Variants in TCF4 observed in about 807,000 individuals in gnomAD.
TCF4 encodes the protein SL3-3 enhancer factor 2.
Under a neutral mutation model 82.1 loss-of-function variants are expected in TCF4, and 3 were observed. The observed-to-expected ratio is 0.04, with a 90% CI of 0.02 to 0.09. The LOEUF (loss-of-function observed/expected upper bound fraction) is 0.09, where lower values mean the gene tolerates loss of function less well. TCF4 is among the 10% of genes least tolerant of loss of function. The probability of loss-of-function intolerance (pLI) is 1.00; values close to 1 mark genes in which losing one functional copy is unlikely to be tolerated. For missense variants in TCF4, 518 were observed against 852.7 expected (o/e 0.61, Z 4.89); for synonymous variants, 276 against 309.6 (o/e 0.89, Z 1.14).
intron 2 of TCF4, among the ~76,000 whole-genome samples, chr18:55,610,662 A>G (rs549968351): frequency 2.0e-5 from 3 of 152,360 alleles, no homozygotes; most frequent in African/African-American, 4.8e-5. Flanking sequence ...CAGCTACAAC[A>G]GGAAGATATC....
chr18:55,415,545 G>T (rs1330722719), intron 5 of TCF4, among the ~76,000 whole-genome samples: 3 of 152,202 alleles, frequency 2.0e-5, no homozygotes, highest in Non-Finnish European at 4.4e-5. Context: ...CACCAAATCT[G>T]TATGGGGGAG....
chr18:55,482,150 C>G (rs905963832), intron 3 of TCF4: 3 of 152,152 alleles, frequency 2.0e-5, no homozygotes, highest in Admixed American at 2.0e-4. Flanking sequence ...TACCCCTCAC[C>G]TCTGACACTT....
At chr18:55,273,567 TATA>T (rs976080113) in intron 10 of TCF4, among the ~76,000 whole-genome samples, 8 of 152,154 alleles carry the variant, frequency 5.3e-5, no homozygotes, top group African/African-American at 1.7e-4. Context: ...GACAACTAGA[TATA>T]ATAATTCAAT....
intron 8 of TCF4, among the ~76,000 whole-genome samples, chr18:55,291,181 T>G (rs186493166): frequency 9.3e-4 from 141 of 152,294 alleles, no homozygotes; most frequent in African/African-American, 3.0e-3. Flanking sequence ...AATGGGGTTA[T>G]AACCTAGGTC....
At chr18:55,303,246 C>CACACACACACACACCCCT in intron 8 of TCF4, among the ~76,000 whole-genome samples, 1 of 150,678 alleles carries the variant, frequency 6.6e-6, no homozygotes, top group Non-Finnish European at 1.5e-5. Context: ...CACACACACA[C>CACACACACACACACCCCT]ACACACACAC....
At chr18:55,535,695 G>A (rs2097108584) in intron 3 of TCF4, among the ~76,000 whole-genome samples, 1 of 152,076 alleles carries the variant, frequency 6.6e-6, no homozygotes, top group African/African-American at 2.4e-5. Context: ...AATTGAAACA[G>A]AAATAAAACA....
intron 3 of TCF4, among the ~76,000 whole-genome samples, chr18:55,534,040 C>T (rs2097093762): frequency 6.6e-6 from 1 of 152,130 alleles, no homozygotes; most frequent in African/African-American, 2.4e-5. Context: ...GGGTGAGAAC[C>T]AAGTTTCAAC....
intron 8 of TCF4, among the ~76,000 whole-genome samples, chr18:55,322,729 C>G (rs78688826): frequency 6.6e-6 from 1 of 152,264 alleles, no homozygotes; most frequent in African/African-American, 2.4e-5. Flanking sequence ...CGCACGTTCT[C>G]CACTCTGGAG....
intron 6 of TCF4, among the ~76,000 whole-genome samples, chr18:55,376,524 A>G (rs2090789262): frequency 6.6e-6 from 1 of 151,534 alleles, no homozygotes; most frequent in Admixed American, 6.6e-5. Context: ...TTTTCATAAC[A>G]TGACTTCAAG....
intron 8 of TCF4, among the ~76,000 whole-genome samples, chr18:55,305,556 A>G (rs1255321665): frequency 6.6e-6 from 1 of 152,204 alleles, no homozygotes; most frequent in East Asian, 1.9e-4. Flanking sequence ...AATGCCAGCT[A>G]GGATGTATGT....
chr18:55,365,191 A>ATATATATATATATATATG (rs1361444592), intron 6 of TCF4, among the ~76,000 whole-genome samples: 44 of 97,880 alleles, frequency 4.5e-4, no homozygotes, highest in Non-Finnish European at 5.8e-4. Context: ...ATATATATAT[A>ATATATATATATATATATG]TGTGTGTGTG....
At chr18:55,624,018 G>T (rs561322647) in intron 2 of TCF4, among the ~76,000 whole-genome samples, 47 of 152,184 alleles carry the variant, frequency 3.1e-4, no homozygotes, top group African/African-American at 1.1e-3. Flanking sequence ...TTGAGAATGA[G>T]ATAATACATT....
At chr18:55,229,601 T>C (rs2047298477) in intron 17 of TCF4, 1 of 169,788 alleles carries the variant, frequency 5.9e-6, no homozygotes, top group Non-Finnish European at 1.3e-5. Flanking sequence ...TTAACAGGAG[T>C]AAGAAGAAAG....
At chr18:55,587,325 A>G (rs2097658921) in intron 1 of TCF4, 189 bp from the exon 2 acceptor site, 1 of 134,652 alleles carries the variant, frequency 7.4e-6, no homozygotes, top group Non-Finnish European at 1.5e-5. Context: ...AAGATGGAAT[A>G]GGCAGCAATA....
chr18:55,296,378 T>G (rs1034037613), intron 8 of TCF4, among the ~76,000 whole-genome samples: 2 of 152,190 alleles, frequency 1.3e-5, no homozygotes, highest in African/African-American at 4.8e-5. Context: ...GAATCTCTCA[T>G]GTTAGCTCTC....
intron 3 of TCF4, among the ~76,000 whole-genome samples, chr18:55,493,965 A>G (rs2096602821): frequency 6.6e-6 from 1 of 152,184 alleles, no homozygotes; most frequent in Non-Finnish European, 1.5e-5. Context: ...TGAAACCAAC[A>G]GACTTAGAAG....
intron 3 of TCF4, among the ~76,000 whole-genome samples, chr18:55,563,421 GTGAA>G (rs2097372888): frequency 6.6e-6 from 1 of 151,994 alleles, no homozygotes. Context: ...TAAAAAATTA[GTGAA>G]TGAAAGCTTG....
chr18:55,540,854 A>G (rs1016698489), intron 3 of TCF4, among the ~76,000 whole-genome samples: 7 of 152,038 alleles, frequency 4.6e-5, no homozygotes, highest in African/African-American at 1.7e-4. Flanking sequence ...CAAAAATTCA[A>G]TCGCTGACTA....
At chr18:55,291,038 AATC>A (rs1286819003) in intron 8 of TCF4, among the ~76,000 whole-genome samples, 2 of 152,204 alleles carry the variant, frequency 1.3e-5, no homozygotes, top group Non-Finnish European at 2.9e-5. Context: ...TATCTTCTTT[AATC>A]ATCATTTTGA....
Sources: allele counts gnomAD v4.1 joint callset (sites outside exome capture counted in the v4.1 genomes callset), GRCh38; gene constraint gnomAD v4.1.1; transcripts MANE v1.5; gene names NCBI Gene and HGNC (gene_info 2026-07-23, HGNC 2026-07-21).